The following MBD5 variants were observed in gnomAD, a reference collection of about 807,000 sequenced individuals.
MBD5 encodes methyl-CpG-binding domain protein 5.
In MBD5, 13 loss-of-function variants were observed where a neutral mutation model predicts 117.3. That is an observed-to-expected ratio of 0.11 (90% confidence interval 0.07 to 0.18). The LOEUF (loss-of-function observed/expected upper bound fraction) is 0.18. Ranked by LOEUF, MBD5 falls within the 10% of genes least tolerant of loss-of-function variation. MBD5 has a pLI of 1.00. For missense variants in MBD5, 1,879 were observed against 2,093.8 expected, an observed-to-expected ratio of 0.90 and a Z score of 2.00; for synonymous variants, 727 against 766.4, an observed-to-expected ratio of 0.95 and a Z score of 0.85.
chr2:148,245,312 G>A (rs1297572071), intron 3 of MBD5, among the ~76,000 whole-genome samples: 1 of 151,946 alleles, frequency 6.6e-6, no homozygotes, highest in Non-Finnish European at 1.5e-5. Flanking sequence ...TGCAACCTCC[G>A]CCTCCTGGGT....
At chr2:148,341,563 G>A (rs907055518) in intron 3 of MBD5, among the ~76,000 whole-genome samples, 1 of 151,884 alleles carries the variant, frequency 6.6e-6, no homozygotes, top group Admixed American at 6.6e-5. Flanking sequence ...AGTTGTTGGG[G>A]ATTTTTTGGT....
chr2:148,355,775 T>C (rs1455606359), intron 4 of MBD5, among the ~76,000 whole-genome samples: 2 of 152,220 alleles, frequency 1.3e-5, no homozygotes, highest in African/African-American at 4.8e-5. Context: ...TCTTTTTACA[T>C]TTCATATGAA....
At chr2:148,254,930 C>G (rs777394745) in intron 3 of MBD5, among the ~76,000 whole-genome samples, 27 of 152,174 alleles carry the variant, frequency 1.8e-4, no homozygotes, top group Non-Finnish European at 3.2e-4. Context: ...TGTCCTTTGT[C>G]CAAAGCTTGC....
chr2:148,468,952 C>T lies in MBD5; in HGVS notation c.1009C>T (p.Pro337Ser). Residue 337 changes from proline to serine, a missense_variant, in exon 8 of 14, where the codon CCT becomes TCT. Transcript: ENST00000642680. ...MFHHKPPQGP[P>S]PPPPPSCALQ... is the part of the protein sequence containing the mutation. ...CCACCACAAACCACCCCAAGGCCCA[C>T]CTCCCCCTCCTCCACCTTCTTGTGC... 1 of 1,613,458 alleles carries T rather than the reference C, an allele frequency of 6.2e-7. No individual in the cohort carries two copies. The highest frequency in any genetic ancestry group is 8.5e-7 in the Non-Finnish European group (1 of 1,179,854).
chr2:148,233,930 C>T (rs1345780087), intron 3 of MBD5, among the ~76,000 whole-genome samples: 1 of 152,120 alleles, frequency 6.6e-6, no homozygotes, highest in Non-Finnish European at 1.5e-5. Context: ...GAAAATTCTG[C>T]ATCAAAATAT....
chr2:148,413,729 T>A (rs770661150), intron 4 of MBD5, among the ~76,000 whole-genome samples: 88 of 151,988 alleles, frequency 5.8e-4, no homozygotes, highest in Non-Finnish European at 9.6e-4. Context: ...AATTTATCAA[T>A]TTCTTCTAGG....
intron 3 of MBD5, among the ~76,000 whole-genome samples, chr2:148,310,768 C>T (rs1472741779): frequency 6.6e-6 from 1 of 152,130 alleles, no homozygotes; most frequent in East Asian, 1.9e-4. Context: ...TTCCTGCTTT[C>T]TTCTATGGGC....
At position 148,469,164 on chromosome 2, in the gene MBD5, C is replaced by T. The variant is rs950136624; in HGVS notation, c.1221C>T (p.Leu407=). ...CTGTTGTTCCTTTGCCAAGTAATCT[C>T]CCATTGCCAACTGTAAAACCTGGTC... The part of the protein sequence containing the change: ...PPAVVPLPSN[L]PLPTVKPGHM... Residue 407 remains leucine, a synonymous_variant, in exon 8 of 14, where the codon CTC becomes CTT. Coordinates refer to ENST00000642680, the MANE Select transcript of MBD5 (RefSeq NM_001378120.1). 1.9e-6 allele frequency: 3 copies of T among 1,614,026 alleles called. No individual in the cohort carries two copies. In the African/African-American group the frequency reaches 4.0e-5, roughly 22 times the overall value.
At chr2:148,227,615 A>G (rs1443231012) in intron 2 of MBD5, among the ~76,000 whole-genome samples, 4 of 152,162 alleles carry the variant, frequency 2.6e-5, no homozygotes, top group African/African-American at 7.2e-5. Context: ...TTGGTTCCAT[A>G]TGAACTTTAA....
At chr2:148,348,258 C>G (rs564819548) in intron 4 of MBD5, among the ~76,000 whole-genome samples, 1 of 151,848 alleles carries the variant, frequency 6.6e-6, no homozygotes, top group Non-Finnish European at 1.5e-5. Flanking sequence ...CGTACCTGTT[C>G]CTCTCCTTCC....
intron 4 of MBD5, among the ~76,000 whole-genome samples, chr2:148,417,383 C>G (rs1028826875): frequency 2.0e-5 from 3 of 150,738 alleles, no homozygotes; most frequent in African/African-American, 7.4e-5. Flanking sequence ...AAGTGATCTC[C>G]CATCCTTGGC....
chr2:148,232,649 C>CT (rs5835180), intron 2 of MBD5, among the ~76,000 whole-genome samples: 1,803 of 140,692 alleles, frequency 0.013, 41 homozygotes, highest in African/African-American at 0.044. Flanking sequence ...GACTTTTTTT[C>CT]TTTTTTTTTT....
intron 4 of MBD5, among the ~76,000 whole-genome samples, chr2:148,399,723 T>C (rs1435983971): frequency 1.3e-5 from 2 of 152,132 alleles, no homozygotes; most frequent in Non-Finnish European, 2.9e-5. Context: ...GGCATCCCTG[T>C]CTTGTGCCAG....
chr2:148,294,653 C>T (rs1352266614), intron 3 of MBD5, among the ~76,000 whole-genome samples: 1 of 151,902 alleles, frequency 6.6e-6, no homozygotes, highest in East Asian at 1.9e-4. Flanking sequence ...CAGCCACACA[C>T]CACCATGCCC....
At chr2:148,385,542 G>A (rs1456888988) in intron 4 of MBD5, among the ~76,000 whole-genome samples, 1 of 152,148 alleles carries the variant, frequency 6.6e-6, no homozygotes, top group African/African-American at 2.4e-5. Flanking sequence ...CATTGTGGAA[G>A]TTGGTGTGGC....
At chr2:148,385,945 C>A in intron 4 of MBD5, among the ~76,000 whole-genome samples, 1 of 123,300 alleles carries the variant, frequency 8.1e-6, no homozygotes, top group South Asian at 2.7e-4. Context: ...GAACATCAAA[C>A]ACTGGGGACT....
At chr2:148,110,972 G>C (rs1185743542) in intron 1 of MBD5, among the ~76,000 whole-genome samples, 3 of 151,660 alleles carry the variant, frequency 2.0e-5, no homozygotes, top group Non-Finnish European at 4.4e-5. Flanking sequence ...ATTTCTATGA[G>C]GTTTTTATTT....
At chr2:148,186,733 A>G (rs1342735425) in intron 2 of MBD5, among the ~76,000 whole-genome samples, 1 of 152,230 alleles carries the variant, frequency 6.6e-6, no homozygotes, top group Non-Finnish European at 1.5e-5. Context: ...TAAACATTTT[A>G]CAAAACCTTG....
At position 148,114,464 on chromosome 2, in the gene MBD5, C is replaced by T. The variant is rs1388243260; in HGVS notation, c.-924-64236C>T. The stretch of plus-strand genomic sequence containing the variant: ...CAGCCTGGGCAATAGAGTGAGAGTC[C>T]ATCTCAAAAAAAAACCAGAGTATTC... On this transcript the variant is annotated intron_variant, in intron 1 of 13. Coordinates refer to ENST00000642680, the MANE Select transcript of MBD5 (RefSeq NM_001378120.1). Among the ~76,000 whole-genome samples the T allele has an allele frequency of 1.3e-5, 2 of 151,468 alleles. 1 individual carries two copies. Among genetic ancestry groups the T allele is most frequent in the South Asian group, 4.2e-4 (2 of 4,792 alleles).
Sources: gnomAD v4.1 joint callset for allele counts (sites outside exome capture counted in the v4.1 genomes callset) on GRCh38, gnomAD v4.1.1 for gene constraint, MANE v1.5 for transcripts, NCBI Gene and HGNC (gene_info 2026-07-23, HGNC 2026-07-21) for gene names.